The following PCDHA11 variants were observed in gnomAD, a reference collection of about 807,000 sequenced individuals.
The protein encoded by PCDHA11 is protocadherin alpha-11.
Under a neutral mutation model 70.3 loss-of-function variants are expected in PCDHA11, and 61 were observed. The observed-to-expected ratio is 0.87, with a 90% CI of 0.71 to 1.07. The LOEUF is 1.07. Among genes scored for constraint, PCDHA11 ranks in the 50% least tolerant of loss-of-function variants. The pLI, the probability that PCDHA11 is intolerant of heterozygous loss-of-function variation, is 0.00. For missense variants in PCDHA11, 1,324 were observed against 1,237.5 expected, an observed-to-expected ratio of 1.07 and a Z score of -1.05; for synonymous variants, 633 against 555.1, an observed-to-expected ratio of 1.14 and a Z score of -1.97.
intron 1 of PCDHA11, among the ~76,000 whole-genome samples, chr5:140,895,167 T>G (rs1289758040): frequency 6.6e-6 from 1 of 152,186 alleles, no homozygotes; most frequent in African/African-American, 2.4e-5. Flanking sequence ...CAATCCAATC[T>G]ATTTGTAGTC....
chr5:140,900,233 G>GT (rs1261263702), intron 1 of PCDHA11, among the ~76,000 whole-genome samples: 7 of 151,834 alleles, frequency 4.6e-5, no homozygotes, highest in Non-Finnish European at 7.4e-5. Flanking sequence ...ACTGGATCTT[G>GT]TTTTTTTTAT....
intron 1 of PCDHA11, among the ~76,000 whole-genome samples, chr5:140,894,553 T>G (rs2064537673): frequency 6.6e-6 from 1 of 152,008 alleles, no homozygotes; most frequent in South Asian, 2.1e-4. Flanking sequence ...TGTTTACTTC[T>G]GAAAAAATTA....
intron 3 of PCDHA11, among the ~76,000 whole-genome samples, chr5:140,992,987 C>G (rs1259400627): frequency 6.6e-6 from 1 of 152,158 alleles, no homozygotes; most frequent in East Asian, 1.9e-4. Context: ...GGCCATGGGA[C>G]CCATGAAAGA....
chr5:140,879,989 C>T (rs1223310901), intron 1 of PCDHA11, among the ~76,000 whole-genome samples: 3 of 152,182 alleles, frequency 2.0e-5, no homozygotes, highest in African/African-American at 7.2e-5. Flanking sequence ...AGATCCTTAA[C>T]TTAATCATAT....
intron 1 of PCDHA11, chr5:140,877,662 C>A (rs1176424464): frequency 1.9e-6 from 3 of 1,613,440 alleles, no homozygotes; most frequent in East Asian, 2.2e-5. Context: ...CCACCGTGAG[C>A]CGGTGCGCGC....
chr5:140,964,857 CAA>C (rs1352009406), intron 1 of PCDHA11, among the ~76,000 whole-genome samples: 5 of 152,088 alleles, frequency 3.3e-5, no homozygotes, highest in Admixed American at 3.3e-4. Context: ...CTTGAGGAAA[CAA>C]AGAGGACAAA....
chr5:140,987,730 C>CAA (rs2097266231), intron 3 of PCDHA11, among the ~76,000 whole-genome samples: 1 of 152,066 alleles, frequency 6.6e-6, no homozygotes, highest in African/African-American at 2.4e-5. Flanking sequence ...CCTACAGCTT[C>CAA]AAAATTTAGA....
intron 3 of PCDHA11, among the ~76,000 whole-genome samples, chr5:140,986,774 A>G (rs1201484926): frequency 6.6e-6 from 1 of 152,226 alleles, no homozygotes; most frequent in Non-Finnish European, 1.5e-5. Context: ...TTAATTAGGT[A>G]GCGGAAGCCA....
At chr5:140,908,846 T>A (rs2074185614) in intron 1 of PCDHA11, among the ~76,000 whole-genome samples, 1 of 152,294 alleles carries the variant, frequency 6.6e-6, no homozygotes, top group East Asian at 1.9e-4. Flanking sequence ...TGGAGTAACA[T>A]ACCCAAATGA....
intron 1 of PCDHA11, among the ~76,000 whole-genome samples, chr5:140,894,375 T>G (rs1246573357): frequency 1.3e-5 from 2 of 152,054 alleles, no homozygotes; most frequent in Non-Finnish European, 2.9e-5. Context: ...ATGGCTCCAA[T>G]TATATTTGTA....
Position 140,927,496 on chromosome 5 carries a change from G to C in PCDHA11, c.2392-51453G>C, listed in dbSNP as rs1206944698. On this transcript the variant is annotated intron_variant, in intron 1 of 3. Transcript: ENST00000398640. ...CGAACAGCGCGCCACCCACCTGCTG[G>C]TGCTTACAGCTCGGGACGGCGGGCT... The C allele has an allele frequency of 3.7e-6, 6 of 1,614,026 alleles. No homozygotes were observed. The highest frequency in any genetic ancestry group is 5.1e-6 in the Non-Finnish European group (6 of 1,180,054).
At chr5:140,997,225 C>T (rs1554255781) in intron 3 of PCDHA11, among the ~76,000 whole-genome samples, 1 of 152,090 alleles carries the variant, frequency 6.6e-6, no homozygotes, top group African/African-American at 2.4e-5. Context: ...CTATCATTAC[C>T]ACCCAACTTC....
intron 3 of PCDHA11, among the ~76,000 whole-genome samples, chr5:141,002,620 A>G (rs553505520): frequency 6.8e-4 from 104 of 152,336 alleles, no homozygotes; most frequent in African/African-American, 2.4e-3. Flanking sequence ...CACATAACAC[A>G]GACAGAGATA....
chr5:140,990,808 C>G (rs537926285), intron 3 of PCDHA11, among the ~76,000 whole-genome samples: 18 of 152,212 alleles, frequency 1.2e-4, no homozygotes, highest in Non-Finnish European at 2.4e-4. Context: ...ACAGAAGAAG[C>G]TCCCTTCTCT....
At chr5:140,989,013 G>A (rs1171400170) in intron 3 of PCDHA11, 1 of 152,208 alleles carries the variant, frequency 6.6e-6, no homozygotes, top group Non-Finnish European at 1.5e-5. Context: ...ACTTATTATA[G>A]TTTCTTCAGT....
At position 140,936,025 on chromosome 5, in the gene PCDHA11, G is replaced by A. The variant is rs542573400; in HGVS notation, c.2392-42924G>A. On this transcript the variant is annotated intron_variant, in intron 1 of 3. Coordinates refer to ENST00000398640, the MANE Select transcript of PCDHA11 (RefSeq NM_018902.5). ...CTCCCACCTCAGCCTCCCGAGTAGC[G>A]GGGATTACAGGCACCCACCACCACA... 1.5e-3 allele frequency among the ~76,000 whole-genome samples: 222 copies of A among 151,390 alleles called. 1 individual carries two copies. The highest frequency in any genetic ancestry group is 6.8e-3 in the Middle Eastern group (2 of 294).
Position 140,914,628 on chromosome 5 carries a change from G to A in PCDHA11, c.2391+43134G>A, listed in dbSNP as rs540654869. 1.3e-4 allele frequency among the ~76,000 whole-genome samples: 19 copies of A among 151,834 alleles called. No homozygotes were observed. The South Asian group carries it at 1.7e-3, about 13-fold the overall frequency. ...CTGCCATTTTGTAATTTGTTTTCTC[G>A]TGGTTTCATGGTCATCTCTCCCTTC... is the stretch of plus-strand genomic sequence containing the variant. On this transcript the variant is annotated intron_variant, in intron 1 of 3. Transcript: ENST00000398640.
At position 140,871,329 on chromosome 5, in the gene PCDHA11, C is replaced by A. The variant is rs1164407502; in HGVS notation, c.2226C>A (p.Arg742=). Residue 742 remains arginine (R), a synonymous_variant, in exon 1 of 4, where the codon CGC becomes CGA. Transcript: ENST00000398640. ...GGAAGCCCACGCTGGTGTGCTCCCGCGCGGTGGGGAGCTGGTCATACTCGC... is the reference window on the plus strand; with the variant it reads ...GGAAGCCCACGCTGGTGTGCTCCCGAGCGGTGGGGAGCTGGTCATACTCGC... ...APGKPTLVCS[R]AVGSWSYSQQ... is the part of the protein sequence containing the mutation. 1 of 1,613,942 alleles carries A rather than the reference C, an allele frequency of 6.2e-7. No homozygotes were observed. The highest frequency in any genetic ancestry group is 1.3e-5 in the African/African-American group (1 of 74,926).
intron 1 of PCDHA11, 41 bp downstream of exon 1, chr5:140,871,535 G>GTTTC: frequency 6.6e-7 from 1 of 1,514,054 alleles, no homozygotes; most frequent in Non-Finnish European, 8.9e-7. Flanking sequence ...AAGTGTATGT[G>GTTTC]AAATTATTTA....
Sources: gnomAD v4.1 joint callset for allele counts (sites outside exome capture counted in the v4.1 genomes callset) on GRCh38, gnomAD v4.1.1 for gene constraint, MANE v1.5 for transcripts, NCBI Gene and HGNC (gene_info 2026-07-23, HGNC 2026-07-21) for gene names.